Variants in SBF2 observed in about 807,000 individuals in gnomAD.
The protein encoded by SBF2 is myotubularin-related protein 13.
Under a neutral mutation model 225.2 loss-of-function variants are expected in SBF2, and 112 were observed. The ratio of observed to expected loss-of-function variants is 0.50; its 90% CI spans 0.43 to 0.58. SBF2 has a LOEUF of 0.58. Ranked by LOEUF, SBF2 falls within the 20% of genes least tolerant of loss-of-function variation. The probability of loss-of-function intolerance (pLI) is 0.00; values close to 1 mark genes in which losing one functional copy is unlikely to be tolerated. For synonymous variants in SBF2, 763 were observed against 773.3 expected (o/e 0.99, Z 0.22); for missense variants, 1,996 against 2,206.2 (o/e 0.90, Z 1.91).
chr11:10,233,154 T>C (rs908855049), intron 1 of SBF2, among the ~76,000 whole-genome samples: 1 of 152,218 alleles, frequency 6.6e-6, no homozygotes, highest in African/African-American at 2.4e-5. Context: ...TATCTTTTCA[T>C]TTACTCTATC....
chr11:9,849,235 A>C (rs1308969983), intron 22 of SBF2, among the ~76,000 whole-genome samples: 4 of 152,160 alleles, frequency 2.6e-5, no homozygotes, highest in Admixed American at 6.5e-5. Flanking sequence ...ATTAAGAACC[A>C]CTGAATTATC....
chr11:9,826,196 T>C (rs940853933), intron 28 of SBF2, among the ~76,000 whole-genome samples: 24 of 152,166 alleles, frequency 1.6e-4, no homozygotes, highest in African/African-American at 5.8e-4. Context: ...CAATAGCACA[T>C]GTGAAGCAGA....
intron 17 of SBF2, among the ~76,000 whole-genome samples, chr11:9,863,565 G>A (rs1441278936): frequency 6.6e-6 from 1 of 152,104 alleles, no homozygotes; most frequent in Admixed American, 6.6e-5. Context: ...ATTCTGCTCT[G>A]GCCTGACCAA....
intron 2 of SBF2, among the ~76,000 whole-genome samples, chr11:10,122,527 T>C (rs1240122634): frequency 6.6e-6 from 1 of 152,244 alleles, no homozygotes; most frequent in Non-Finnish European, 1.5e-5. Flanking sequence ...CCCTCAATTA[T>C]GTGGCACACA....
At chr11:9,828,397 C>T (rs1361676923) in intron 28 of SBF2, 11 of 985,242 alleles carry the variant, frequency 1.1e-5, no homozygotes, top group African/African-American at 1.7e-5. Context: ...AGAGATAACA[C>T]ACATTTGCAA....
intron 6 of SBF2, among the ~76,000 whole-genome samples, chr11:10,006,172 A>G (rs1454243003): frequency 6.6e-6 from 1 of 152,198 alleles, no homozygotes; most frequent in Non-Finnish European, 1.5e-5. Flanking sequence ...GTCCACCTCG[A>G]GGCAAGTCAG....
At chr11:10,243,528 A>G (rs1433345381) in intron 1 of SBF2, among the ~76,000 whole-genome samples, 1 of 151,396 alleles carries the variant, frequency 6.6e-6, no homozygotes, top group Non-Finnish European at 1.5e-5. Context: ...GACAAAATAA[A>G]GAGTTTTTTG....
intron 16 of SBF2, among the ~76,000 whole-genome samples, chr11:9,933,647 C>A (rs144381561): frequency 6.6e-6 from 1 of 152,122 alleles, no homozygotes; most frequent in East Asian, 1.9e-4. Context: ...ATCTCTGGGG[C>A]GCATTTAAAG....
intron 2 of SBF2, among the ~76,000 whole-genome samples, chr11:10,096,991 T>C (rs1400149608): frequency 2.0e-5 from 3 of 152,228 alleles, no homozygotes; most frequent in Non-Finnish European, 4.4e-5. Context: ...CTCTAGAACC[T>C]ACTATTCTCA....
chr11:9,930,177 T>TG (rs1444122515), intron 16 of SBF2, among the ~76,000 whole-genome samples: 10 of 152,116 alleles, frequency 6.6e-5, no homozygotes, highest in Middle Eastern at 3.4e-3. Flanking sequence ...TACAAACAGG[T>TG]GAAAAAAAAT....
intron 2 of SBF2, among the ~76,000 whole-genome samples, chr11:10,078,695 G>T (rs955828968): frequency 2.0e-5 from 3 of 152,098 alleles, no homozygotes; most frequent in Non-Finnish European, 4.4e-5. Flanking sequence ...GAGTTGATGG[G>T]TGCAGCAAAC....
chr11:10,293,501 G>A (rs1964301764), intron 1 of SBF2, among the ~76,000 whole-genome samples: 1 of 152,194 alleles, frequency 6.6e-6, no homozygotes, highest in Non-Finnish European at 1.5e-5. Context: ...GGTACCACGC[G>A]TTCCTTGGGG....
intron 16 of SBF2, among the ~76,000 whole-genome samples, chr11:9,911,984 C>T (rs1862659651): frequency 6.6e-6 from 1 of 152,230 alleles, no homozygotes; most frequent in African/African-American, 2.4e-5. Context: ...ATGTGCCCAA[C>T]ACAATTCATA....
intron 17 of SBF2, among the ~76,000 whole-genome samples, chr11:9,868,704 A>C (rs989230433): frequency 2.0e-5 from 3 of 152,206 alleles, no homozygotes; most frequent in African/African-American, 7.2e-5. Flanking sequence ...TATTTGCTGA[A>C]GAAACCGGAT....
chr11:9,968,530 G>T lies in SBF2; in HGVS notation c.1411C>A (p.His471Asn). 11 of 1,613,780 alleles carry T rather than the reference G, an allele frequency of 6.8e-6. No individual in the cohort carries two copies. The highest frequency in any genetic ancestry group is 9.3e-6 in the Non-Finnish European group (11 of 1,179,672). Reference sequence around the variant, plus strand: ...CGTGGAACTTTCTGGAATGCCATATGAGGATTTGGATTCTCCTGTAATATC... The same window carrying T: ...CGTGGAACTTTCTGGAATGCCATATTAGGATTTGGATTCTCCTGTAATATC... ...QLFKNENPNP[H>N]MAFQKVPRPT... is the part of the protein sequence containing the mutation. Residue 471 changes from histidine (H) to asparagine (N), a missense_variant, in exon 14 of 40, where the codon CAT becomes AAT. Transcript: ENST00000256190.
intron 1 of SBF2, among the ~76,000 whole-genome samples, chr11:10,219,512 A>AT (rs1269889280): frequency 6.6e-6 from 1 of 152,180 alleles, no homozygotes; most frequent in East Asian, 1.9e-4. Flanking sequence ...TGTCTTGGTG[A>AT]TTAACATTTG....
chr11:10,053,833 T>C (rs758333711), intron 2 of SBF2, among the ~76,000 whole-genome samples: 2 of 151,818 alleles, frequency 1.3e-5, no homozygotes, highest in Admixed American at 6.6e-5. Flanking sequence ...GGTAGGAGGA[T>C]TGCTTGAGCC....
rs556358490 is a variant in SBF2 at position 9,886,696 on chromosome 11, T to C, written c.1929+9247A>G. 5.6e-5 allele frequency among the ~76,000 whole-genome samples: 7 copies of C among 124,460 alleles called. No individual in the cohort carries two copies. In the East Asian group the frequency reaches 1.4e-3, roughly 25 times the overall value. The allele number at this position is 124,460 out of a possible 152,430, so 81.7% of individuals were successfully genotyped here. A position where few individuals can be genotyped will look rare whatever the true frequency, so the allele number is the denominator to read the frequency against. Reference sequence around the variant, plus strand: ...GTCACAATTCCCAGTAAGTGATTCATGTGTTTTTTTTTTGCCTATAATATT... The same window carrying C: ...GTCACAATTCCCAGTAAGTGATTCACGTGTTTTTTTTTTGCCTATAATATT... On this transcript the variant is annotated intron_variant, in intron 17 of 39. Coordinates refer to ENST00000256190, the MANE Select transcript of SBF2 (RefSeq NM_030962.4).
chr11:9,849,190 T>C (rs1055072465), intron 22 of SBF2, among the ~76,000 whole-genome samples: 3 of 152,118 alleles, frequency 2.0e-5, no homozygotes, highest in African/African-American at 7.2e-5. Context: ...TATTTTTTTT[T>C]AAAGATTCCC....
Sources: allele counts gnomAD v4.1 joint callset (sites outside exome capture counted in the v4.1 genomes callset), GRCh38; gene constraint gnomAD v4.1.1; transcripts MANE v1.5; gene names NCBI Gene and HGNC (gene_info 2026-07-23, HGNC 2026-07-21).